NCAM1: variants seen among roughly 807,000 people sequenced by gnomAD.
NCAM1 encodes the protein neural cell adhesion molecule 1, also known as antigen recognized by monoclonal antibody 5.1H11.
A neutral mutation model predicts 109.8 loss-of-function variants in NCAM1; 14 were observed. That is an observed-to-expected ratio of 0.13 (90% CI 0.08 to 0.20). The LOEUF (loss-of-function observed/expected upper bound fraction) is 0.20. Ranked by LOEUF, NCAM1 falls within the 10% of genes least tolerant of loss-of-function variation. The pLI is 1.00. For missense variants in NCAM1, 774 were observed against 1,109.9 expected (o/e 0.70, Z 4.30); for synonymous variants, 418 against 442.9 (o/e 0.94, Z 0.70).
chr11:113,065,607 G>A (rs1245090), intron 1 of NCAM1, among the ~76,000 whole-genome samples: 126,220 of 152,142 alleles, frequency 0.83, 52,691 homozygotes, highest in African/African-American at 0.92. Context: ...TTGTGAGAAA[G>A]ACACCAGACA....
chr11:113,015,530 G>C (rs1952185851), intron 1 of NCAM1, among the ~76,000 whole-genome samples: 1 of 152,090 alleles, frequency 6.6e-6, no homozygotes, highest in Admixed American at 6.5e-5. Context: ...GAAATCAGGA[G>C]TTAGAGACCA....
chr11:113,125,815 T>C (rs1941150919), intron 1 of NCAM1, among the ~76,000 whole-genome samples: 1 of 152,140 alleles, frequency 6.6e-6, no homozygotes, highest in South Asian at 2.1e-4. Flanking sequence ...TCCTAAATCT[T>C]TGAGTCTTTC....
chr11:113,075,879 T>A (rs1938502528), intron 1 of NCAM1, among the ~76,000 whole-genome samples: 1 of 152,222 alleles, frequency 6.6e-6, no homozygotes, highest in Non-Finnish European at 1.5e-5. Context: ...TTTAAATGCT[T>A]GTCATCATCC....
chr11:113,132,720 T>C (rs1452126394), intron 1 of NCAM1, among the ~76,000 whole-genome samples: 1 of 149,006 alleles, frequency 6.7e-6, no homozygotes, highest in East Asian at 2.1e-4. Flanking sequence ...AACACTGCAG[T>C]TCCCCAGTGA....
rs1369623089 is a variant in NCAM1, at chr11:113,205,978, C to CAA, written c.491-64_491-63insAA. Reference sequence around the variant, plus strand: ...GAAGTTAGGAAAAAGGAAAGAGACTCAGCCACCTGCCTGCAGATGCTCTCT... The same window carrying CAA: ...GAAGTTAGGAAAAAGGAAAGAGACTCAAAGCCACCTGCCTGCAGATGCTCTCT... On this transcript the variant is annotated intron_variant, in intron 4 of 19. Coordinates refer to ENST00000316851, the MANE Select transcript of NCAM1 (RefSeq NM_181351.5). 3 of 1,591,836 alleles carry CAA rather than the reference C, an allele frequency of 1.9e-6. No individual in the cohort carries two copies. In the East Asian group the frequency reaches 6.7e-5, roughly 36 times the overall value.
At chr11:113,142,009 T>A (rs1555100532) in intron 1 of NCAM1, among the ~76,000 whole-genome samples, 1 of 152,234 alleles carries the variant, frequency 6.6e-6, no homozygotes, top group Non-Finnish European at 1.5e-5. Flanking sequence ...TAAGCTTAAC[T>A]GTTTTGACAA....
intron 1 of NCAM1, among the ~76,000 whole-genome samples, chr11:113,036,521 G>A (rs367789532): frequency 2.6e-5 from 4 of 151,868 alleles, no homozygotes; most frequent in South Asian, 2.1e-4. Flanking sequence ...CTGTGTTGCC[G>A]TTGCCCCTGC....
At chr11:113,112,736 T>C (rs1429974624) in intron 1 of NCAM1, among the ~76,000 whole-genome samples, 5 of 152,228 alleles carry the variant, frequency 3.3e-5, no homozygotes, top group Non-Finnish European at 7.3e-5. Context: ...ACACATTCTC[T>C]GCCTCTTCTA....
At chr11:113,135,155 G>A (rs1019745595) in intron 1 of NCAM1, among the ~76,000 whole-genome samples, 5 of 152,156 alleles carry the variant, frequency 3.3e-5, no homozygotes, top group Admixed American at 3.3e-4. Flanking sequence ...TTTTGGTAAC[G>A]CTGGAGCTTG....
At chr11:112,981,636 T>C (rs1368107330) in intron 1 of NCAM1, among the ~76,000 whole-genome samples, 1 of 151,850 alleles carries the variant, frequency 6.6e-6, no homozygotes, top group African/African-American at 2.4e-5. Context: ...TGTAGATCAC[T>C]TGCAAATTTT....
intron 1 of NCAM1, among the ~76,000 whole-genome samples, chr11:112,977,833 CTG>C (rs1301620245): frequency 6.6e-6 from 1 of 151,824 alleles, no homozygotes; most frequent in Non-Finnish European, 1.5e-5. Flanking sequence ...ATTAATCACT[CTG>C]TGAAAGGAAG....
At chr11:113,173,594 A>T (rs1555106576) in intron 1 of NCAM1, among the ~76,000 whole-genome samples, 1 of 2,476 alleles carries the variant, frequency 4.0e-4, no homozygotes, top group East Asian at 0.018. Flanking sequence ...GTTACCTGAT[A>T]TATATATATA....
intron 1 of NCAM1, among the ~76,000 whole-genome samples, chr11:112,967,268 G>A (rs1001588116): frequency 1.3e-5 from 2 of 152,204 alleles, no homozygotes; most frequent in African/African-American, 4.8e-5. Context: ...TCATAGTAAT[G>A]TCACACTGTT....
intron 1 of NCAM1, among the ~76,000 whole-genome samples, chr11:113,049,249 C>T (rs1485324182): frequency 6.6e-6 from 1 of 151,928 alleles, no homozygotes; most frequent in Non-Finnish European, 1.5e-5. Context: ...GTGAATTTCA[C>T]TTCAATGAAA....
chr11:113,160,993 G>A (rs1942581933), intron 1 of NCAM1, among the ~76,000 whole-genome samples: 1 of 152,146 alleles, frequency 6.6e-6, no homozygotes, highest in South Asian at 2.1e-4. Flanking sequence ...CCCTATGGAT[G>A]TGTTTGTGCA....
chr11:112,993,432 C>A (rs1458264474), intron 1 of NCAM1, among the ~76,000 whole-genome samples: 1 of 152,156 alleles, frequency 6.6e-6, no homozygotes. Context: ...TTCCACTAGA[C>A]CCCACCTCCA....
At chr11:113,264,894 C>T in intron 17 of NCAM1, 2 of 985,676 alleles carry the variant, frequency 2.0e-6, no homozygotes, top group Non-Finnish European at 2.4e-6. Flanking sequence ...ACACTGAGTT[C>T]CTGGTGACAG....
At chr11:113,208,554 C>G (rs550902182) in intron 7 of NCAM1, among the ~76,000 whole-genome samples, 2 of 152,030 alleles carry the variant, frequency 1.3e-5, no homozygotes, top group African/African-American at 4.8e-5. Flanking sequence ...CTGCCTTCTT[C>G]TGATCCACCA....
At chr11:113,239,056 G>A (rs1403701993) in intron 14 of NCAM1, among the ~76,000 whole-genome samples, 1 of 152,176 alleles carries the variant, frequency 6.6e-6, no homozygotes, top group Non-Finnish European at 1.5e-5. Flanking sequence ...ATCAGAGCAG[G>A]GATGAGCAGG....
Sources: gnomAD v4.1 joint callset for allele counts (sites outside exome capture counted in the v4.1 genomes callset) on GRCh38, gnomAD v4.1.1 for gene constraint, MANE v1.5 for transcripts, NCBI Gene and HGNC (gene_info 2026-07-23, HGNC 2026-07-21) for gene names.